Variants in ESF1 observed in about 807,000 individuals in gnomAD.
The protein encoded by ESF1 is ESF1 nucleolar pre-rRNA processing protein.
A neutral mutation model predicts 92.0 loss-of-function variants in ESF1; 58 were observed. The ratio of observed to expected loss-of-function variants is 0.63; its 90% CI spans 0.51 to 0.78. The LOEUF is 0.78. ESF1 is among the 30% of genes least tolerant of loss of function. ESF1 has a pLI of 0.00. For synonymous variants in ESF1, 321 were observed against 313.7 expected (o/e 1.02, Z -0.24); for missense variants, 922 against 989.1 (o/e 0.93, Z 0.91).
At position 13,782,771 on chromosome 20, in the gene ESF1, C is replaced by T; in HGVS notation, c.370G>A (p.Gly124Ser). The T allele has an allele frequency of 6.2e-7, 1 of 1,601,688 alleles. No homozygotes were observed. The highest frequency in any genetic ancestry group is 8.5e-7 in the Non-Finnish European group (1 of 1,177,112). The change falls in exon 2 of 14, where the codon GGT becomes AGT. Residue 124 changes from glycine (G) to serine (S), a missense_variant. Physicochemically the swap from Gly to Ser is moderately conservative, Grantham distance 56 (BLOSUM62 0). Coordinates refer to ENST00000617257, the MANE Select transcript of ESF1 (RefSeq NM_001276380.2). Reference protein sequence around the residue: ...KKETKKANHKGSENKTDLDNS... With the variant: ...KKETKKANHKSSENKTDLDNS... ...TCTAAATCAGTTTTATTTTCAGAAC[C>T]CTTGTGATTAGCCTTCTTGGTTTCT...
chr20:13,733,632 C>T (rs1344450161), intron 10 of ESF1, 89 bp downstream of exon 10: 43 of 1,353,240 alleles, frequency 3.2e-5, no homozygotes, highest in Non-Finnish European at 4.2e-5. Context: ...TGAGTGGTTA[C>T]ATTTTGAGAT....
At chr20:13,783,522 T>C (rs957738971) in intron 1 of ESF1, among the ~76,000 whole-genome samples, 3 of 152,210 alleles carry the variant, frequency 2.0e-5, no homozygotes, top group Admixed American at 2.0e-4. Flanking sequence ...TGTTACTAAT[T>C]GAAGGCAAAT....
intron 8 of ESF1, among the ~76,000 whole-genome samples, chr20:13,760,138 T>C (rs1979094534): frequency 6.6e-6 from 1 of 152,390 alleles, no homozygotes; most frequent in East Asian, 1.9e-4. Context: ...GGGCTTCTTT[T>C]TCCTATAAGC....
intron 13 of ESF1, 142 bp downstream of exon 13, chr20:13,717,226 T>A: frequency 1.0e-6 from 1 of 991,994 alleles, no homozygotes; most frequent in East Asian, 2.4e-5. Context: ...CAAAAAAGTG[T>A]TGGGATTATA....
intron 2 of ESF1, among the ~76,000 whole-genome samples, chr20:13,779,561 G>A (rs1980088697): frequency 6.6e-6 from 1 of 152,140 alleles, no homozygotes; most frequent in South Asian, 2.1e-4. Flanking sequence ...TTGAGACAAG[G>A]TCTTGCTCTG....
At chr20:13,748,592 A>ATATTTTT (rs1331098586) in intron 9 of ESF1, among the ~76,000 whole-genome samples, 1 of 95,740 alleles carries the variant, frequency 1.0e-5, no homozygotes, top group Non-Finnish European at 1.8e-5. Flanking sequence ...ATATATATAT[A>ATATTTTT]TTTTTTTTTT....
At position 13,783,108 on chromosome 20, in the gene ESF1, C is replaced by G. The variant is rs199554521; in HGVS notation, c.33G>C (p.Gln11His). 1.2e-4 allele frequency: 197 copies of G among 1,606,706 alleles called. No homozygotes were observed. The highest frequency in any genetic ancestry group is 1.7e-4 in the Non-Finnish European group (194 of 1,174,382). Residue 11 changes from glutamine (Q) to histidine (H), a missense_variant, in exon 2 of 14, where the codon CAG becomes CAC. By Grantham distance (24) the Gln-to-His change is conservative (BLOSUM62 0). Coordinates refer to ENST00000617257, the MANE Select transcript of ESF1 (RefSeq NM_001276380.2). ...GGTCCTTTGCAACCCGTCTAAACCG[C>G]TGGTCACTCATTATTTCTTGTTTGG... MSSKQEIMSD[Q>H]RFRRVAKDPR...
chr20:13,771,927 T>C (rs959016308), intron 5 of ESF1, among the ~76,000 whole-genome samples: 1 of 151,284 alleles, frequency 6.6e-6, no homozygotes, highest in Non-Finnish European at 1.5e-5. Flanking sequence ...TTTTTTTTTT[T>C]TTTTTAAGGT....
intron 2 of ESF1, among the ~76,000 whole-genome samples, chr20:13,779,177 CTG>C (rs1357356948): frequency 6.6e-5 from 10 of 152,242 alleles, no homozygotes; most frequent in African/African-American, 2.4e-4. Flanking sequence ...CTAGTAGTGA[CTG>C]TAAACATTAC....
At chr20:13,751,539 T>C (rs1240092948) in intron 9 of ESF1, among the ~76,000 whole-genome samples, 4 of 152,198 alleles carry the variant, frequency 2.6e-5, no homozygotes, top group Non-Finnish European at 5.9e-5. Context: ...TCTTGCTGAT[T>C]TACATATTTT....
intron 2 of ESF1, among the ~76,000 whole-genome samples, chr20:13,782,199 T>C (rs901997909): frequency 1.3e-5 from 2 of 152,164 alleles, no homozygotes; most frequent in African/African-American, 4.8e-5. Flanking sequence ...TTTAGACACA[T>C]CTCTTCTTAT....
chr20:13,757,246 A>G (rs896227416), intron 9 of ESF1, among the ~76,000 whole-genome samples: 2 of 152,228 alleles, frequency 1.3e-5, no homozygotes, highest in Non-Finnish European at 2.9e-5. Context: ...TTAATAAAAT[A>G]TTACTAAATT....
intron 2 of ESF1, among the ~76,000 whole-genome samples, chr20:13,781,197 C>A (rs1858662868): frequency 6.6e-6 from 1 of 152,094 alleles, no homozygotes; most frequent in Non-Finnish European, 1.5e-5. Context: ...CTATATTGTC[C>A]AATATGGTAG....
At chr20:13,765,562 C>CAA (rs1447325556) in intron 8 of ESF1, among the ~76,000 whole-genome samples, 2 of 151,932 alleles carry the variant, frequency 1.3e-5, no homozygotes, top group East Asian at 1.9e-4. Context: ...CTTTCAGGAC[C>CAA]AAGAAGACAA....
In ESF1 at chr20:13,717,441, T is replaced by C. The variant is rs1247405126; in HGVS notation, c.2189A>G (p.Glu730Gly). 2 of 1,614,022 alleles carry C rather than the reference T, an allele frequency of 1.2e-6. No individual in the cohort carries two copies. Among genetic ancestry groups the C allele is most frequent in the African/African-American group, 1.3e-5 (1 of 74,938 alleles). ...KKHFNYNKIVEHQNLSKKKKK... is the reference protein window; with the variant it reads ...KKHFNYNKIVGHQNLSKKKKK... ...CTTCTTTTTGCTCAGATTCTGGTGC[T>C]CCACAATCTTGTTGTAATTGAAGTG... The change falls in exon 13 of 14, where the codon GAG (glutamate) becomes GGG (glycine). Residue 730 changes from glutamate to glycine, a missense_variant. By Grantham distance (98) the Glu-to-Gly change is moderately conservative. Transcript: ENST00000617257.
At chr20:13,728,273 A>C (rs2049915303) in intron 11 of ESF1, 105 bp downstream of exon 11, 1 of 834,494 alleles carries the variant, frequency 1.2e-6, no homozygotes, top group African/African-American at 1.7e-5. Flanking sequence ...AGGGAGCTAC[A>C]CAAATACTAG....
Position 13,768,244 on chromosome 20 carries a change from G to T in ESF1, c.1519-1320C>A, listed in dbSNP as rs558840000. Among the ~76,000 whole-genome samples the T allele has an allele frequency of 2.0e-5, 3 of 152,292 alleles. No individual in the cohort carries two copies. The South Asian group carries it at 6.2e-4, about 32-fold the overall frequency. On this transcript the variant is annotated intron_variant, in intron 7 of 13. Transcript: ENST00000617257. ...ACCAGTCCCTCCTCAGAGAAGCACG[G>T]TGATTTATCACACAGGAAAAGCAGA... is the stretch of plus-strand genomic sequence containing the variant.
intron 11 of ESF1, among the ~76,000 whole-genome samples, chr20:13,726,748 A>C (rs2049903112): frequency 6.6e-6 from 1 of 152,184 alleles, no homozygotes; most frequent in Non-Finnish European, 1.5e-5. Flanking sequence ...CAGTTATTAC[A>C]GAATGAATAA....
chr20:13,777,947 C>T (rs2147448725), intron 2 of ESF1, among the ~76,000 whole-genome samples: 1 of 152,278 alleles, frequency 6.6e-6, no homozygotes, highest in South Asian at 2.1e-4. Context: ...TGAGTATCTA[C>T]TACATACAAA....
Sources: gnomAD v4.1 joint callset for allele counts (sites outside exome capture counted in the v4.1 genomes callset) on GRCh38, gnomAD v4.1.1 for gene constraint, MANE v1.5 for transcripts, NCBI Gene and HGNC (gene_info 2026-07-23, HGNC 2026-07-21) for gene names.